The following TMEM132C variants were observed in gnomAD, a reference collection of about 807,000 sequenced individuals.
TMEM132C encodes the protein transmembrane protein 132C, also known as protein phosphatase 1, regulatory subunit 152.
TMEM132C carries 29 observed loss-of-function variants against 61.4 expected under a neutral mutation model. The observed-to-expected ratio is 0.47, with a 90% CI of 0.35 to 0.64. The LOEUF is 0.64. TMEM132C is among the 30% of genes least tolerant of loss of function. The probability of loss-of-function intolerance (pLI) is 0.00; values close to 1 mark genes in which losing one functional copy is unlikely to be tolerated. For missense variants in TMEM132C, 1,408 were observed against 1,476.9 expected (o/e 0.95, Z 0.76); for synonymous variants, 656 against 633.1 (o/e 1.04, Z -0.54).
intron 3 of TMEM132C, among the ~76,000 whole-genome samples, chr12:128,583,284 C>T (rs1875412131): frequency 7.9e-6 from 1 of 126,622 alleles, no homozygotes; most frequent in African/African-American, 2.7e-5. Flanking sequence ...GTACACTATA[C>T]AACATATACA....
At chr12:128,310,474 A>G (rs1871931427) in intron 1 of TMEM132C, among the ~76,000 whole-genome samples, 1 of 152,084 alleles carries the variant, frequency 6.6e-6, no homozygotes, top group South Asian at 2.1e-4. Context: ...TCGTGGCAGA[A>G]AGTGAAAGAG....
At chr12:128,500,182 C>T (rs575340130) in intron 2 of TMEM132C, among the ~76,000 whole-genome samples, 3 of 152,314 alleles carry the variant, frequency 2.0e-5, no homozygotes, top group East Asian at 3.9e-4. Context: ...TGCAACTCTA[C>T]TTCATGCCAT....
In TMEM132C at chr12:128,630,939, C is replaced by T. The variant is rs955058643; in HGVS notation, c.1305+14604C>T. Among the ~76,000 whole-genome samples the T allele has an allele frequency of 6.6e-5, 10 of 152,028 alleles. No individual in the cohort carries two copies. Among genetic ancestry groups the T allele is most frequent in the Non-Finnish European group, 1.3e-4 (9 of 68,008 alleles). On this transcript the variant is annotated intron_variant, in intron 4 of 8. Coordinates refer to ENST00000435159, the MANE Select transcript of TMEM132C (RefSeq NM_001136103.3). The surrounding 1 kb of genome is among the most constrained non-coding windows in gnomAD (Gnocchi z 4.3). ...CCCAGCTACTCAGGAGGCTGAGACA[C>T]GAGAATCGCTTGAACCTGGGAGGCG...
chr12:128,291,755 A>G (rs1197481369), intron 1 of TMEM132C, among the ~76,000 whole-genome samples: 1 of 152,162 alleles, frequency 6.6e-6, no homozygotes, highest in East Asian at 1.9e-4. Context: ...TGCACCTCCC[A>G]GGTTCCCTTG....
chr12:128,488,431 C>T (rs1028152068), intron 2 of TMEM132C, among the ~76,000 whole-genome samples: 4 of 152,096 alleles, frequency 2.6e-5, no homozygotes, highest in Non-Finnish European at 5.9e-5. Flanking sequence ...GAGGCCAAGG[C>T]GGGTGGATCA....
At chr12:128,693,256 G>T (rs1262403524) in intron 5 of TMEM132C, among the ~76,000 whole-genome samples, 1 of 152,172 alleles carries the variant, frequency 6.6e-6, no homozygotes, top group Non-Finnish European at 1.5e-5. Context: ...ATCCTTGGAG[G>T]CTGGATGGGG....
At chr12:128,435,440 A>C (rs1036822442) in intron 2 of TMEM132C, among the ~76,000 whole-genome samples, 7 of 152,232 alleles carry the variant, frequency 4.6e-5, no homozygotes, top group African/African-American at 1.7e-4. Flanking sequence ...CTGATAAGCA[A>C]CTTTGGCAAA....
At chr12:128,623,839 A>C (rs939950114) in intron 4 of TMEM132C, among the ~76,000 whole-genome samples, 3 of 152,150 alleles carry the variant, frequency 2.0e-5, no homozygotes, top group Non-Finnish European at 4.4e-5. Flanking sequence ...ACTTCATGAG[A>C]GATGATTGAA....
intron 2 of TMEM132C, among the ~76,000 whole-genome samples, chr12:128,434,291 A>C (rs1035727618): frequency 2.1e-4 from 32 of 152,250 alleles, no homozygotes; most frequent in Admixed American, 5.9e-4. Context: ...GTATGTGGAA[A>C]CCCAGATAAT....
In TMEM132C at chr12:128,694,026, C is replaced by A. The variant is rs1297375842; in HGVS notation, c.1647C>A (p.Thr549=). Residue 549 remains threonine, a synonymous_variant, in exon 6 of 9, where the codon ACC becomes ACA. Transcript: ENST00000435159. ...AGGGCTGGAGGGTCCCCATTGTGAC[C>A]AATAAGAGGTGAGCCTCGGATGGGG... ...QIKGWRVPIV[T]NKRPTRESED... 1.9e-6 allele frequency: 3 copies of A among 1,551,578 alleles called. No homozygotes were observed. The highest frequency in any genetic ancestry group is 3.9e-5 in the Admixed American group (2 of 50,998).
chr12:128,550,244 T>G (rs564970835), intron 3 of TMEM132C, among the ~76,000 whole-genome samples: 29 of 152,094 alleles, frequency 1.9e-4, no homozygotes, highest in Non-Finnish European at 2.2e-4. Context: ...CCTCTCGGCA[T>G]CTTGTGTCCT....
chr12:128,352,717 A>T (rs112066898), intron 1 of TMEM132C, among the ~76,000 whole-genome samples: 1 of 152,134 alleles, frequency 6.6e-6, no homozygotes, highest in African/African-American at 2.4e-5. Flanking sequence ...TAGAACCTTA[A>T]CTTTTATAAA....
At chr12:128,544,955 C>T (rs1004222923) in intron 3 of TMEM132C, among the ~76,000 whole-genome samples, 2 of 152,304 alleles carry the variant, frequency 1.3e-5, no homozygotes, top group Middle Eastern at 3.4e-3. Flanking sequence ...TAGGTTGATT[C>T]CAAGTTGTTT....
chr12:128,702,724 C>T (rs1954812564), intron 8 of TMEM132C, among the ~76,000 whole-genome samples: 1 of 152,200 alleles, frequency 6.6e-6, no homozygotes, highest in African/African-American at 2.4e-5. Context: ...CAAGTGTGGG[C>T]TTTTGGTTTT....
chr12:128,626,956 G>T (rs963269143), intron 4 of TMEM132C, among the ~76,000 whole-genome samples: 1 of 152,148 alleles, frequency 6.6e-6, no homozygotes, highest in African/African-American at 2.4e-5. Context: ...CGAGTCAAGG[G>T]AGGAGCCACC....
intron 2 of TMEM132C, among the ~76,000 whole-genome samples, chr12:128,475,162 T>G (rs993899813): frequency 6.6e-6 from 1 of 152,042 alleles, no homozygotes; most frequent in Non-Finnish European, 1.5e-5. Flanking sequence ...CACTAGCAGG[T>G]GGGGAGGTCA....
intron 3 of TMEM132C, among the ~76,000 whole-genome samples, chr12:128,602,067 T>A (rs1212168710): frequency 6.6e-6 from 1 of 151,648 alleles, no homozygotes; most frequent in Non-Finnish European, 1.5e-5. Context: ...TTAAGAAAAT[T>A]AGTTGGGCAT....
chr12:128,664,142 G>GCA (rs530453683), intron 4 of TMEM132C, among the ~76,000 whole-genome samples: 328 of 127,418 alleles, frequency 2.6e-3, no homozygotes, highest in Middle Eastern at 0.019. Flanking sequence ...ACTCACACAG[G>GCA]CACACACACA....
At chr12:128,430,404 A>G (rs1400991103) in intron 2 of TMEM132C, among the ~76,000 whole-genome samples, 2 of 152,218 alleles carry the variant, frequency 1.3e-5, no homozygotes, top group African/African-American at 4.8e-5. Context: ...ACGTGACCTT[A>G]ACCTTGCTTG....
Sources: gnomAD v4.1 joint callset for allele counts (sites outside exome capture counted in the v4.1 genomes callset) on GRCh38, gnomAD v4.1.1 for gene constraint, Gnocchi (gnomAD v3.1) non-coding constraint, MANE v1.5 for transcripts, NCBI Gene and HGNC (gene_info 2026-07-23, HGNC 2026-07-21) for gene names.